RPL27A: variants seen among roughly 807,000 people sequenced by gnomAD.
The protein encoded by RPL27A is ribosomal protein L27a.
For missense variants in RPL27A, 118 were observed against 189.4 expected, an observed-to-expected ratio of 0.62 and a Z score of 2.21; for synonymous variants, 69 against 68.3, an observed-to-expected ratio of 1.01 and a Z score of -0.05.
rs2039604204 is a variant in RPL27A at position 8,688,120 on chromosome 11, A to G, written c.*2314A>G. Reference sequence around the variant, plus strand: ...AGAAAGATTACTCTGGCCGGGCTGTAAAGGACGGCTACAATGGGAGGCTGA... The same window carrying G: ...AGAAAGATTACTCTGGCCGGGCTGTGAAGGACGGCTACAATGGGAGGCTGA... On this transcript the variant is annotated 3_prime_UTR_variant, in exon 5 of 5. Transcript: ENST00000314138. 6.6e-6 allele frequency: 1 copy of G among 152,306 alleles called. No individual in the cohort carries two copies. Among genetic ancestry groups the G allele is most frequent in the African/African-American group, 2.4e-5 (1 of 41,454 alleles). The allele number at this position is 152,306 out of a possible 1,614,324, so 9.4% of individuals were successfully genotyped here. A position where few individuals can be genotyped will look rare whatever the true frequency, so the allele number is the denominator to read the frequency against.
chr11:8,685,962 A>T lies in RPL27A; in HGVS notation c.*156A>T. 1.5e-6 allele frequency: 1 copy of T among 647,280 alleles called. No homozygotes were observed. The highest frequency in any genetic ancestry group is 2.6e-6 in the Non-Finnish European group (1 of 377,446). 40.1% of individuals were successfully genotyped at this position (647,280 alleles called of 1,614,324 possible). A position where few individuals can be genotyped will look rare whatever the true frequency, so the allele number is the denominator to read the frequency against. The stretch of plus-strand genomic sequence containing the variant: ...ATGGGGTCCTCTCCTGACTTCCCTC[A>T]AATATATGGTAAACGTAAGACCAAC... On this transcript the variant is annotated 3_prime_UTR_variant, in exon 5 of 5. Transcript: ENST00000314138.
At chr11:8,683,493 G>C (rs1565590326) in intron 2 of RPL27A, 7 of 587,674 alleles carry the variant, frequency 1.2e-5, no homozygotes, top group Non-Finnish European at 1.8e-5. Flanking sequence ...TGAAGACATG[G>C]AGTACTGTGG....
In RPL27A at chr11:8,685,749, C is replaced by T; in HGVS notation, c.390C>T (p.Ser130=). The T allele has an allele frequency of 6.2e-7, 1 of 1,614,078 alleles. No individual in the cohort carries two copies. Among genetic ancestry groups the T allele is most frequent in the African/African-American group, 1.3e-5 (1 of 75,042 alleles). ...QPVIVKAKFF[S]RRAEEKIKSV... is the part of the protein sequence containing the mutation. ...TCATCGTGAAGGCCAAATTCTTCAG[C>T]AGAAGAGCTGAGGAGAAGATTAAGA... The change falls in exon 5 of 5, where the codon AGC becomes AGT. Residue 130 remains serine, a synonymous_variant. Transcript: ENST00000314138.
At position 8,687,647 on chromosome 11, in the gene RPL27A, G is replaced by A. The variant is rs1276371060; in HGVS notation, c.*1841G>A. 1 of 152,168 alleles carries A rather than the reference G, an allele frequency of 6.6e-6. No homozygotes were observed. Among genetic ancestry groups the A allele is most frequent in the African/African-American group, 2.4e-5 (1 of 41,414 alleles). 9.4% of individuals were successfully genotyped at this position (152,168 alleles called of 1,614,324 possible). ...TGCACTTAATTTTTTGTTTTGTTTT[G>A]AGACGGAGTCTCGCTCTGTCGCCCA... is the stretch of plus-strand genomic sequence containing the variant. On this transcript the variant is annotated 3_prime_UTR_variant, in exon 5 of 5. Transcript: ENST00000314138.
chr11:8,683,385 C>T (rs554673820), intron 2 of RPL27A, 120 bp downstream of exon 2: 2 of 805,524 alleles, frequency 2.5e-6, no homozygotes, highest in African/African-American at 1.7e-5. Flanking sequence ...AGTTGCACAG[C>T]TGTTGATTTT....
intron 4 of RPL27A, chr11:8,685,124 A>G: frequency 1.7e-6 from 1 of 575,418 alleles, no homozygotes; most frequent in Non-Finnish European, 3.1e-6. Flanking sequence ...TTCACTGAGC[A>G]CAGCTCTTGG....
chr11:8,683,353 G>C, intron 2 of RPL27A, 88 bp downstream of exon 2: 1 of 1,119,616 alleles, frequency 8.9e-7, no homozygotes, highest in Non-Finnish European at 1.3e-6. Flanking sequence ...AAGTGGGTTA[G>C]AATAAGACCT....
chr11:8,685,452 TCA>T (rs748359627), intron 4 of RPL27A: 4 of 700,652 alleles, frequency 5.7e-6, no homozygotes, highest in South Asian at 5.5e-5. Context: ...GAGACTAGAG[TCA>T]CATCCTGACA....
At chr11:8,685,453 C>T (rs1237227580) in intron 4 of RPL27A, 1 of 701,946 alleles carries the variant, frequency 1.4e-6, no homozygotes, top group Non-Finnish European at 2.6e-6. Context: ...AGACTAGAGT[C>T]ACATCCTGAC....
intron 1 of RPL27A, 93 bp downstream of exon 1, chr11:8,682,909 T>C: frequency 6.8e-7 from 1 of 1,473,826 alleles, no homozygotes; most frequent in Non-Finnish European, 9.2e-7. Flanking sequence ...CCTACCATGG[T>C]CGGGGCTTCC....
In RPL27A at chr11:8,689,108, A is replaced by G. The variant is rs1319336193; in HGVS notation, c.*3302A>G. 2 of 152,274 alleles carry G rather than the reference A, an allele frequency of 1.3e-5. No homozygotes were observed. 9.4% of individuals were successfully genotyped at this position (152,274 alleles called of 1,614,324 possible). A position where few individuals can be genotyped will look rare whatever the true frequency, so the allele number is the denominator to read the frequency against. The stretch of plus-strand genomic sequence containing the variant: ...GCCGGCCAGTGGTGCGCGAGCGCAG[A>G]TAACTCCCCTGGAGAGGCGGGATGT... On this transcript the variant is annotated 3_prime_UTR_variant, in exon 5 of 5. Transcript: ENST00000314138.
At position 8,688,319 on chromosome 11, in the gene RPL27A, G is replaced by A. The variant is rs1308372920; in HGVS notation, c.*2513G>A. 2.0e-5 allele frequency: 3 copies of A among 152,162 alleles called. No homozygotes were observed. Among genetic ancestry groups the A allele is most frequent in the Non-Finnish European group, 1.5e-5 (1 of 68,028 alleles). 9.4% of individuals were successfully genotyped at this position (152,162 alleles called of 1,614,324 possible). A position where few individuals can be genotyped will look rare whatever the true frequency, so the allele number is the denominator to read the frequency against. The stretch of plus-strand genomic sequence containing the variant: ...CCCTTAATGGCTACCTTCTTCCCCA[G>A]GAGTTGTTAGGCCATCCGATCCCCT... On this transcript the variant is annotated 3_prime_UTR_variant, in exon 5 of 5. Transcript: ENST00000314138.
At chr11:8,683,737 G>A in intron 2 of RPL27A, 1 of 517,984 alleles carries the variant, frequency 1.9e-6, no homozygotes, top group East Asian at 3.6e-5. Flanking sequence ...GAGTGCAGTG[G>A]CGAAATCTCG....
At chr11:8,683,168 C>T (rs1480703448) in intron 1 of RPL27A, 34 bp from the exon 2 acceptor site, 4 of 1,608,142 alleles carry the variant, frequency 2.5e-6, no homozygotes, top group Admixed American at 1.7e-5. Flanking sequence ...GCCCCTAATT[C>T]CTTAGGCCTT....
At chr11:8,682,874 TC>T in intron 1 of RPL27A, 58 bp downstream of exon 1, 1 of 1,570,088 alleles carries the variant, frequency 6.4e-7, no homozygotes, top group South Asian at 1.2e-5. Context: ...TAAGCTGTAT[TC>T]CCATTGCCCC....
intron 2 of RPL27A, chr11:8,683,641 AG>A (rs1287433082): frequency 2.1e-6 from 1 of 476,890 alleles, no homozygotes; most frequent in Non-Finnish European, 3.8e-6. Context: ...CTTTTGTGCG[AG>A]GAAGTATTGA....
Position 8,682,825 on chromosome 11 carries a change from T to G in RPL27A, c.3+9T>G. 1 of 1,611,918 alleles carries G rather than the reference T, an allele frequency of 6.2e-7. No homozygotes were observed. The highest frequency in any genetic ancestry group is 8.5e-7 in the Non-Finnish European group (1 of 1,178,964). Reference sequence around the variant, plus strand: ...TCTGGGCTGCCAACATGGTAGGTGTTTCGTTTCTTGCCTCCTCTTCCTTGC... The same window carrying G: ...TCTGGGCTGCCAACATGGTAGGTGTGTCGTTTCTTGCCTCCTCTTCCTTGC... On this transcript the variant is annotated intron_variant, in intron 1 of 4. Coordinates refer to ENST00000314138, the MANE Select transcript of RPL27A (RefSeq NM_000990.5).
At chr11:8,683,376 G>A (rs920626926) in intron 2 of RPL27A, 111 bp downstream of exon 2, 50 of 868,940 alleles carry the variant, frequency 5.8e-5, no homozygotes, top group Non-Finnish European at 8.4e-5. Context: ...TTGTGGTCAA[G>A]TTGCACAGCT....
chr11:8,682,796 T>G lies in RPL27A; in HGVS notation c.-18T>G, dbSNP rs769430463. ...CGAGACTTGGCGAAGGCCTTCCTTT[T>G]TCGTCTGGGCTGCCAACATGGTAGG... On this transcript the variant is annotated 5_prime_UTR_variant, in exon 1 of 5. Coordinates refer to ENST00000314138, the MANE Select transcript of RPL27A (RefSeq NM_000990.5). 2.5e-6 allele frequency: 4 copies of G among 1,613,490 alleles called. No individual in the cohort carries two copies. Among genetic ancestry groups the G allele is most frequent in the Non-Finnish European group, 3.4e-6 (4 of 1,179,686 alleles).
Sources: gnomAD v4.1 joint callset for allele counts on GRCh38, gnomAD v4.1.1 for gene constraint, MANE v1.5 for transcripts, NCBI Gene and HGNC (gene_info 2026-07-23, HGNC 2026-07-21) for gene names.